Variants in UGCG observed in about 807,000 individuals in gnomAD.
The protein encoded by UGCG is UDP-glucose ceramide glucosyltransferase, also known as ceramide glucosyltransferase.
In UGCG, 10 loss-of-function variants were observed where a neutral mutation model predicts 49.5. The ratio of observed to expected loss-of-function variants is 0.20; its 90% CI spans 0.12 to 0.34. The LOEUF (loss-of-function observed/expected upper bound fraction) is 0.34. Ranked by LOEUF, UGCG falls within the 10% of genes least tolerant of loss-of-function variation. The pLI is 1.00. For missense variants in UGCG, 312 were observed against 483.7 expected (o/e 0.65, Z 3.33); for synonymous variants, 182 against 158.2 (o/e 1.15, Z -1.13).
At chr9:111,907,876 G>A (rs1216570765) in intron 1 of UGCG, among the ~76,000 whole-genome samples, 3 of 152,010 alleles carry the variant, frequency 2.0e-5, no homozygotes, top group Admixed American at 2.0e-4. Flanking sequence ...TTATCCTCCC[G>A]CCTTGGCCTC....
chr9:111,906,920 C>T (rs1837896637), intron 1 of UGCG, among the ~76,000 whole-genome samples: 1 of 152,208 alleles, frequency 6.6e-6, no homozygotes, highest in Non-Finnish European at 1.5e-5. Flanking sequence ...GGATGAGCTC[C>T]AGGCCTTTTC....
intron 4 of UGCG, among the ~76,000 whole-genome samples, chr9:111,925,473 G>A (rs1838299363): frequency 6.6e-6 from 1 of 152,218 alleles, no homozygotes; most frequent in South Asian, 2.1e-4. Context: ...TGTGGGAGCT[G>A]TCTTGTAGGA....
At chr9:111,898,630 T>A (rs911383013) in intron 1 of UGCG, among the ~76,000 whole-genome samples, 14 of 152,160 alleles carry the variant, frequency 9.2e-5, no homozygotes, top group Admixed American at 8.5e-4. Flanking sequence ...AATATGTGAG[T>A]TCTTTTTCTT....
intron 2 of UGCG, among the ~76,000 whole-genome samples, chr9:111,918,901 G>A (rs1838161652): frequency 6.7e-6 from 1 of 150,076 alleles, no homozygotes; most frequent in South Asian, 2.1e-4. Flanking sequence ...CTCCCGCCTG[G>A]GCGACAGAAC....
chr9:111,927,428 AG>A (rs1225538402), intron 5 of UGCG, among the ~76,000 whole-genome samples: 1 of 151,996 alleles, frequency 6.6e-6, no homozygotes, highest in African/African-American at 2.4e-5. Flanking sequence ...AATTACAGGA[AG>A]TTTATGGGGT....
chr9:111,918,647 T>C (rs371811112), intron 2 of UGCG, among the ~76,000 whole-genome samples: 2 of 152,130 alleles, frequency 1.3e-5, no homozygotes, highest in Admixed American at 1.3e-4. Flanking sequence ...AAATTAAAAC[T>C]TCAAGGCCGG....
intron 1 of UGCG, among the ~76,000 whole-genome samples, chr9:111,906,155 C>T (rs1174732976): frequency 6.6e-6 from 1 of 152,142 alleles, no homozygotes; most frequent in Non-Finnish European, 1.5e-5. Flanking sequence ...TTGCAAACCT[C>T]TGGTCTCCTA....
Position 111,929,667 on chromosome 9 carries a change from G to A in UGCG, c.726G>A (p.Ala242=), listed in dbSNP as rs755578705. The A allele has an allele frequency of 5.0e-6, 8 of 1,613,066 alleles. No individual in the cohort carries two copies. Among genetic ancestry groups the A allele is most frequent in the Admixed American group, 3.3e-5 (2 of 59,758 alleles). The change falls in exon 6 of 9, where the codon GCG becomes GCA. Residue 242 remains alanine, a synonymous_variant. Transcript: ENST00000374279. The part of the protein sequence containing the change: ...YIAEDYFMAK[A]IADRGWRFAM... Reference sequence around the variant, plus strand: ...CCGAAGATTACTTTATGGCCAAAGCGATAGCTGACCGGTAAGACAACTAAA... The same window carrying A: ...CCGAAGATTACTTTATGGCCAAAGCAATAGCTGACCGGTAAGACAACTAAA...
chr9:111,932,797 A>C, intron 8 of UGCG, 30 bp from the exon 9 acceptor site: 1 of 1,523,430 alleles, frequency 6.6e-7, no homozygotes, highest in South Asian at 1.3e-5. Flanking sequence ...ACAGTGAGTG[A>C]AATTAAAAAA....
At chr9:111,929,348 T>C in intron 5 of UGCG, 152 bp from the exon 6 acceptor site, 1 of 721,638 alleles carries the variant, frequency 1.4e-6, no homozygotes, top group African/African-American at 1.8e-5. Flanking sequence ...AAAGCAATAT[T>C]GTCTACCACT....
chr9:111,916,392 C>T (rs1838110228), intron 2 of UGCG, among the ~76,000 whole-genome samples: 1 of 152,148 alleles, frequency 6.6e-6, no homozygotes, highest in African/African-American at 2.4e-5. Flanking sequence ...CGTTGTAGTG[C>T]TTGTGAGATG....
intron 1 of UGCG, among the ~76,000 whole-genome samples, chr9:111,909,466 G>A (rs941170061): frequency 1.3e-5 from 2 of 152,172 alleles, no homozygotes; most frequent in Non-Finnish European, 2.9e-5. Context: ...CCTGTGGAAC[G>A]ATTCTCCAGA....
intron 1 of UGCG, among the ~76,000 whole-genome samples, chr9:111,912,256 A>G (rs1243399218): frequency 1.3e-5 from 2 of 151,746 alleles, no homozygotes; most frequent in Admixed American, 6.6e-5. Context: ...TTTCCAAACT[A>G]TCTATGGCAA....
chr9:111,920,271 A>G (rs1161094323), intron 2 of UGCG, among the ~76,000 whole-genome samples: 1 of 152,178 alleles, frequency 6.6e-6, no homozygotes, highest in East Asian at 1.9e-4. Flanking sequence ...TTATTAAGAA[A>G]ACATGTTTTT....
At chr9:111,906,729 C>A (rs1200741078) in intron 1 of UGCG, among the ~76,000 whole-genome samples, 1 of 152,202 alleles carries the variant, frequency 6.6e-6, no homozygotes, top group Non-Finnish European at 1.5e-5. Context: ...CTGCACCCAG[C>A]CTTTCACTTG....
chr9:111,926,967 G>A (rs978411341), intron 5 of UGCG, among the ~76,000 whole-genome samples: 1 of 141,320 alleles, frequency 7.1e-6, no homozygotes, highest in Non-Finnish European at 1.5e-5. Context: ...CCACTTCCCA[G>A]GTTCAAACGA....
chr9:111,926,595 T>C, intron 5 of UGCG, 99 bp downstream of exon 5: 1 of 874,422 alleles, frequency 1.1e-6, no homozygotes, highest in Non-Finnish European at 1.7e-6. Context: ...TCAAGTTAAC[T>C]GTATTAAGTC....
chr9:111,926,525 A>G (rs538459012), intron 5 of UGCG, 29 bp downstream of exon 5: 25 of 1,540,698 alleles, frequency 1.6e-5, no homozygotes, highest in South Asian at 6.0e-5. Flanking sequence ...AATCATGTTC[A>G]TAGTATCAGA....
At chr9:111,915,945 G>C in intron 2 of UGCG, 1 of 415,790 alleles carries the variant, frequency 2.4e-6, no homozygotes, top group Non-Finnish European at 3.2e-6. Context: ...CTGTTTTGAA[G>C]CAAAAAAATT....
Sources: allele counts gnomAD v4.1 joint callset (sites outside exome capture counted in the v4.1 genomes callset), GRCh38; gene constraint gnomAD v4.1.1; transcripts MANE v1.5; gene names NCBI Gene and HGNC (gene_info 2026-07-23, HGNC 2026-07-21).